The following ADAMTS17 variants were observed in gnomAD, a reference collection of about 807,000 sequenced individuals.
ADAMTS17 encodes the protein ADAM metallopeptidase with thrombospondin type 1 motif 17.
Under a neutral mutation model 141.5 loss-of-function variants are expected in ADAMTS17, and 113 were observed. The observed-to-expected ratio is 0.80, with a 90% CI of 0.69 to 0.93. The LOEUF is 0.93. Ranked by LOEUF, ADAMTS17 falls within the 40% of genes least tolerant of loss-of-function variation. The pLI, the probability that ADAMTS17 is intolerant of heterozygous loss-of-function variation, is 0.00. For synonymous variants in ADAMTS17, 768 were observed against 630.6 expected (o/e 1.22, Z -3.27); for missense variants, 1,659 against 1,517.9 (o/e 1.09, Z -1.54).
At chr15:100,179,038 T>C (rs1034871169) in intron 8 of ADAMTS17, among the ~76,000 whole-genome samples, 14 of 152,186 alleles carry the variant, frequency 9.2e-5, no homozygotes, top group African/African-American at 3.1e-4. Flanking sequence ...ACATACAATG[T>C]CTAATAATTA....
Position 100,341,137 on chromosome 15 carries a change from G to A in ADAMTS17, c.352C>T (p.Arg118Cys), listed in dbSNP as rs1308396798. The change falls in exon 2 of 22, where the codon CGC becomes TGC. Residue 118 changes from arginine (R) to cysteine (C), a missense_variant. Transcript: ENST00000268070. ...AAGCACAGCTCGGCGGGGCGGCCGC[G>A]GCGCCGGGCCGCGCCCGCCTCCTCC... ...EVEEAGAARR[R>C]GRPAELCFYS... The A allele has an allele frequency of 2.8e-6, 4 of 1,432,906 alleles. No homozygotes were observed. In the African/African-American group the frequency reaches 4.5e-5, roughly 16 times the overall value. 88.8% of individuals were successfully genotyped at this position (1,432,906 alleles called of 1,614,324 possible).
intron 7 of ADAMTS17, among the ~76,000 whole-genome samples, chr15:100,201,337 C>T (rs952812007): frequency 9.9e-5 from 15 of 150,786 alleles, no homozygotes; most frequent in Non-Finnish European, 1.5e-4. Flanking sequence ...TTCCCCTCCC[C>T]CCTCTCTCCT....
chr15:100,258,457 GAAGA>G (rs1184479456), intron 6 of ADAMTS17, among the ~76,000 whole-genome samples: 4 of 152,188 alleles, frequency 2.6e-5, no homozygotes, highest in African/African-American at 4.8e-5. Flanking sequence ...GAAATTTACA[GAAGA>G]AAGAGGTTTA....
chr15:100,141,337 G>A (rs1159555573), intron 10 of ADAMTS17, among the ~76,000 whole-genome samples: 1 of 152,172 alleles, frequency 6.6e-6, no homozygotes, highest in Admixed American at 6.5e-5. Context: ...GACTGTGAAG[G>A]TCATGTTGCT....
chr15:100,196,975 G>A (rs1456895460), intron 8 of ADAMTS17, among the ~76,000 whole-genome samples: 1 of 152,214 alleles, frequency 6.6e-6, no homozygotes, highest in Non-Finnish European at 1.5e-5. Flanking sequence ...GTTTGTTTTT[G>A]TCGGTAATTG....
At chr15:100,013,155 G>A (rs1052881088) in intron 18 of ADAMTS17, among the ~76,000 whole-genome samples, 2 of 152,148 alleles carry the variant, frequency 1.3e-5, no homozygotes, top group Admixed American at 1.3e-4. Context: ...TATTGTAAAA[G>A]GGGATGAGTT....
intron 20 of ADAMTS17, among the ~76,000 whole-genome samples, chr15:99,987,619 T>G (rs2573597): frequency 6.6e-6 from 1 of 152,002 alleles, no homozygotes; most frequent in Non-Finnish European, 1.5e-5. Context: ...ACGGCAAACG[T>G]AAACAGTCCG....
chr15:100,315,605 G>A (rs141601317), intron 3 of ADAMTS17, among the ~76,000 whole-genome samples: 2 of 152,304 alleles, frequency 1.3e-5, no homozygotes, highest in Non-Finnish European at 2.9e-5. Context: ...GGAGGCTGAG[G>A]TGGGTGGACC....
chr15:100,141,071 A>C (rs910893847), intron 10 of ADAMTS17, among the ~76,000 whole-genome samples: 3 of 152,230 alleles, frequency 2.0e-5, no homozygotes, highest in African/African-American at 7.2e-5. Flanking sequence ...CAGTCCGTGC[A>C]CATGGCAAGG....
chr15:100,336,609 C>G (rs1054676489), intron 2 of ADAMTS17, among the ~76,000 whole-genome samples: 1 of 152,178 alleles, frequency 6.6e-6, no homozygotes, highest in Admixed American at 6.5e-5. Flanking sequence ...CTTCCTCAGA[C>G]CTGTCTCAAT....
intron 15 of ADAMTS17, among the ~76,000 whole-genome samples, chr15:100,084,069 G>C (rs529864122): frequency 3.3e-5 from 5 of 152,116 alleles, no homozygotes; most frequent in Non-Finnish European, 7.4e-5. Context: ...GAAGTGAAAG[G>C]GGTCAGGGAA....
intron 14 of ADAMTS17, among the ~76,000 whole-genome samples, chr15:100,099,295 T>C (rs1185617806): frequency 6.6e-6 from 1 of 152,216 alleles, no homozygotes. Flanking sequence ...TGACTCTAAA[T>C]GCTGACGGGT....
At chr15:100,034,333 G>A (rs552186683) in intron 18 of ADAMTS17, among the ~76,000 whole-genome samples, 6 of 152,332 alleles carry the variant, frequency 3.9e-5, no homozygotes, top group East Asian at 1.9e-4. Context: ...ACATGCCCAC[G>A]GAATCCCCTT....
At chr15:100,190,583 G>A (rs75141948) in intron 8 of ADAMTS17, among the ~76,000 whole-genome samples, 2 of 152,228 alleles carry the variant, frequency 1.3e-5, no homozygotes, top group Admixed American at 6.5e-5. Context: ...CGGAGCAAGG[G>A]CACAGGGACA....
At chr15:100,185,946 C>A (rs1287355166) in intron 8 of ADAMTS17, among the ~76,000 whole-genome samples, 1 of 152,138 alleles carries the variant, frequency 6.6e-6, no homozygotes, top group Non-Finnish European at 1.5e-5. Context: ...GGTGTTAATA[C>A]AGCTCAAGAA....
At chr15:100,315,852 A>C (rs1173457587) in intron 3 of ADAMTS17, among the ~76,000 whole-genome samples, 1 of 152,236 alleles carries the variant, frequency 6.6e-6, no homozygotes, top group East Asian at 1.9e-4. Context: ...AATTGTCTCC[A>C]GATCAGCCCA....
At chr15:100,159,002 C>G (rs549621620) in intron 8 of ADAMTS17, among the ~76,000 whole-genome samples, 1 of 152,234 alleles carries the variant, frequency 6.6e-6, no homozygotes, top group South Asian at 2.1e-4. Flanking sequence ...GAAATTAAAA[C>G]CCCTGCATGG....
In ADAMTS17 at chr15:100,199,510, C is replaced by T. The variant is rs559201284; in HGVS notation, c.1076-87G>A. ...AAGTCCGCACGGTCAACGTCATGCA[C>T]AATCAAGGCAGGCACACGGCAACAA... is the stretch of plus-strand genomic sequence containing the variant. On this transcript the variant is annotated intron_variant, in intron 7 of 21. Transcript: ENST00000268070. 130 of 1,088,374 alleles carry T rather than the reference C, an allele frequency of 1.2e-4. 2 individuals carry two copies. Among genetic ancestry groups the T allele is most frequent in the South Asian group, 1.1e-3 (88 of 80,460 alleles). 67.4% of individuals were successfully genotyped at this position (1,088,374 alleles called of 1,614,324 possible). A position where few individuals can be genotyped will look rare whatever the true frequency, so the allele number is the denominator to read the frequency against.
At chr15:100,113,853 T>C (rs2036944824) in intron 13 of ADAMTS17, among the ~76,000 whole-genome samples, 1 of 152,204 alleles carries the variant, frequency 6.6e-6, no homozygotes, top group Non-Finnish European at 1.5e-5. Context: ...CAGGAGGCGC[T>C]GGGAACGCAC....
Sources: allele counts gnomAD v4.1 joint callset (sites outside exome capture counted in the v4.1 genomes callset), GRCh38; gene constraint gnomAD v4.1.1; transcripts MANE v1.5; gene names NCBI Gene and HGNC (gene_info 2026-07-23, HGNC 2026-07-21).